Variants in TRMT10B observed in about 807,000 individuals in gnomAD.
TRMT10B encodes tRNA methyltransferase 10B.
In TRMT10B, 33 loss-of-function variants were observed where a neutral mutation model predicts 43.8. The observed-to-expected ratio is 0.75, with a 90% CI of 0.57 to 1.01. The LOEUF (loss-of-function observed/expected upper bound fraction) is 1.01, where lower values mean the gene tolerates loss of function less well. Among genes scored for constraint, TRMT10B ranks in the 50% least tolerant of loss-of-function variants. The pLI, the probability that TRMT10B is intolerant of heterozygous loss-of-function variation, is 0.00. For synonymous variants in TRMT10B, 137 were observed against 130.6 expected (o/e 1.05, Z -0.34); for missense variants, 362 against 369.8 (o/e 0.98, Z 0.17).
At chr9:37,777,478 A>C (rs1317496408) in intron 8 of TRMT10B, 123 bp from the exon 9 acceptor site, 13 of 754,778 alleles carry the variant, frequency 1.7e-5, no homozygotes, top group Non-Finnish European at 2.8e-5. Context: ...TCCCCGCAAG[A>C]CCTTAGTACC....
chr9:37,761,602 G>T, intron 1 of TRMT10B, among the ~76,000 whole-genome samples: 1 of 152,178 alleles, frequency 6.6e-6, no homozygotes, highest in East Asian at 1.9e-4. Context: ...GGAGGCTGAG[G>T]CAGAAGAATC....
rs1828166020 is a variant in TRMT10B, at chr9:37,776,480, T to G, written c.844+75T>G. On this transcript the variant is annotated intron_variant, in intron 8 of 8. Transcript: ENST00000297994. ...GCTTTGCACTGTGTTTAAGTGGCCT[T>G]TGAGTCAGTCTCCTCTGTGACTAAT... 4 of 1,490,982 alleles carry G rather than the reference T, an allele frequency of 2.7e-6. No homozygotes were observed. The South Asian group carries it at 5.7e-5, about 21-fold the overall frequency. The allele number at this position is 1,490,982 out of a possible 1,614,324, so 92.4% of individuals were successfully genotyped here.
chr9:37,774,816 C>T (rs1377100346), intron 7 of TRMT10B, among the ~76,000 whole-genome samples: 1 of 152,180 alleles, frequency 6.6e-6, no homozygotes, highest in Non-Finnish European at 1.5e-5. Flanking sequence ...TTAGACCATA[C>T]TCATGATGGC....
intron 2 of TRMT10B, 27 bp downstream of exon 2, chr9:37,762,144 G>A (rs569290731): frequency 1.3e-6 from 2 of 1,590,858 alleles, no homozygotes; most frequent in East Asian, 2.2e-5. Context: ...CCTGGCCATA[G>A]GCCTTGAATG....
intron 4 of TRMT10B, among the ~76,000 whole-genome samples, chr9:37,764,046 T>G (rs1181349674): frequency 6.6e-6 from 1 of 152,222 alleles, no homozygotes; most frequent in Non-Finnish European, 1.5e-5. Context: ...ACCTTTCAGG[T>G]TCAGTTTTCC....
chr9:37,769,214 A>G (rs755142097), intron 5 of TRMT10B, among the ~76,000 whole-genome samples: 2 of 146,676 alleles, frequency 1.4e-5, no homozygotes, highest in Non-Finnish European at 3.0e-5. Context: ...AGGCTGAGGC[A>G]GGAGGATCAC....
intron 4 of TRMT10B, 166 bp downstream of exon 4, chr9:37,763,919 A>G: frequency 7.2e-7 from 1 of 1,396,168 alleles, no homozygotes; most frequent in Non-Finnish European, 9.6e-7. Flanking sequence ...TGGCTGTTGT[A>G]ACGAACCTGG....
At chr9:37,755,447 C>T (rs1191390254) in intron 1 of TRMT10B, among the ~76,000 whole-genome samples, 1 of 152,098 alleles carries the variant, frequency 6.6e-6, no homozygotes, top group East Asian at 1.9e-4. Context: ...TAAATTTGGG[C>T]ATAGATAATG....
In TRMT10B at chr9:37,762,704, G is replaced by C; in HGVS notation, c.295+19G>C. On this transcript the variant is annotated intron_variant, in intron 3 of 8. Transcript: ENST00000297994. ...AATCCAGGTGACAATAAATGAGACT[G>C]TTGGTATAATAATATTTATTTTTTA... 1.3e-6 allele frequency: 2 copies of C among 1,553,584 alleles called. No individual in the cohort carries two copies. Among genetic ancestry groups the C allele is most frequent in the Non-Finnish European group, 1.7e-6 (2 of 1,150,062 alleles).
chr9:37,762,161 TG>T, intron 2 of TRMT10B, 44 bp downstream of exon 2: 1 of 1,567,692 alleles, frequency 6.4e-7, no homozygotes, highest in Non-Finnish European at 8.7e-7. Context: ...AATGATGGAA[TG>T]TCTCAAGACA....
intron 1 of TRMT10B, among the ~76,000 whole-genome samples, chr9:37,758,867 A>G (rs1825992448): frequency 6.6e-6 from 1 of 152,220 alleles, no homozygotes; most frequent in African/African-American, 2.4e-5. Flanking sequence ...CTGAGGGTGC[A>G]TAGTGACACG....
rs532965340 is a variant in TRMT10B, at chr9:37,763,158, A to C, written c.296-471A>C. The stretch of plus-strand genomic sequence containing the variant: ...GACTCTGTCTCAAAAAAAAAAAAAA[A>C]AAAAAAACAAAAAAAAAAATTTAAG... On this transcript the variant is annotated intron_variant, in intron 3 of 8. Coordinates refer to ENST00000297994, the MANE Select transcript of TRMT10B (RefSeq NM_144964.4). Among the ~76,000 whole-genome samples the C allele has an allele frequency of 4.9e-4, 71 of 145,962 alleles. No individual in the cohort carries two copies. In the East Asian group the frequency reaches 5.1e-3, roughly 11 times the overall value.
chr9:37,772,261 C>T (rs1454053855), intron 7 of TRMT10B, among the ~76,000 whole-genome samples: 1 of 152,204 alleles, frequency 6.6e-6, no homozygotes, highest in African/African-American at 2.4e-5. Flanking sequence ...AATCTACTCA[C>T]CTCAGCCTCC....
At position 37,769,308 on chromosome 9, in the gene TRMT10B, TAAAAAAAA is replaced by T. The variant is rs57651814; in HGVS notation, c.574-607_574-600del. Among the ~76,000 whole-genome samples, 52 of 60,722 alleles carry T rather than the reference TAAAAAAAA, an allele frequency of 8.6e-4. No homozygotes were observed. In the South Asian group the frequency reaches 0.03, roughly 35 times the overall value. The allele number at this position is 60,722 out of a possible 152,430, so 39.8% of individuals were successfully genotyped here. A position where few individuals can be genotyped will look rare whatever the true frequency, so the allele number is the denominator to read the frequency against. On this transcript the variant is annotated intron_variant, in intron 5 of 8. Transcript: ENST00000297994. ...GGGTGACAGAGCCAGACCCTGTCTT[TAAAAAAAA>T]AAAAAAAAAAAAAAAAAAAAAAAAA...
chr9:37,762,004 G>A lies in TRMT10B; in HGVS notation c.73G>A (p.Glu25Lys), dbSNP rs1826389095. Residue 25 changes from glutamate to lysine, a missense_variant, in exon 2 of 9, where the codon GAG becomes AAG. Transcript: ENST00000297994. ...GCTGCAGGGGCAAGAAGGCATCCTA[G>A]AGGAGACAGGTGAAGATGGACTTCC... Reference protein sequence around the residue: ...PVLQGQEGILEETGEDGLPEG... With the variant: ...PVLQGQEGILKETGEDGLPEG... 6.2e-7 allele frequency: 1 copy of A among 1,614,064 alleles called. No homozygotes were observed. Among genetic ancestry groups the A allele is most frequent in the East Asian group, 2.2e-5 (1 of 44,878 alleles).
chr9:37,773,274 A>ATTTTTTTT, intron 7 of TRMT10B, among the ~76,000 whole-genome samples: 1 of 144,830 alleles, frequency 6.9e-6, no homozygotes, highest in Non-Finnish European at 1.5e-5. Flanking sequence ...TGGCCAGCTA[A>ATTTTTTTT]TTTTTTTTTT....
At chr9:37,762,788 G>T in intron 3 of TRMT10B, 103 bp downstream of exon 3, 1 of 1,354,918 alleles carries the variant, frequency 7.4e-7, no homozygotes, top group Non-Finnish European at 9.8e-7. Context: ...AAAAGCATCT[G>T]GGATGTGGGA....
chr9:37,760,184 C>T (rs536381957), intron 1 of TRMT10B, among the ~76,000 whole-genome samples: 1 of 152,236 alleles, frequency 6.6e-6, no homozygotes, highest in Admixed American at 6.5e-5. Flanking sequence ...TTAGCTAGGC[C>T]TGGTGGCTGG....
chr9:37,756,729 T>C (rs1207561023), intron 1 of TRMT10B, among the ~76,000 whole-genome samples: 3 of 148,154 alleles, frequency 2.0e-5, no homozygotes, highest in Non-Finnish European at 4.4e-5. Flanking sequence ...CAAAAAGATA[T>C]ATATATATAT....
Sources: allele counts gnomAD v4.1 joint callset (sites outside exome capture counted in the v4.1 genomes callset), GRCh38; gene constraint gnomAD v4.1.1; transcripts MANE v1.5; gene names NCBI Gene and HGNC (gene_info 2026-07-23, HGNC 2026-07-21).